Variants in SPATS2 observed in about 807,000 individuals in gnomAD.
SPATS2 encodes the protein spermatogenesis-associated serine-rich protein 2.
Under a neutral mutation model 63.7 loss-of-function variants are expected in SPATS2, and 38 were observed. That is an observed-to-expected ratio of 0.60 (90% CI 0.46 to 0.78). The LOEUF (loss-of-function observed/expected upper bound fraction) is 0.78, where lower values mean the gene tolerates loss of function less well. Ranked by LOEUF, SPATS2 falls within the 30% of genes least tolerant of loss-of-function variation. The probability of loss-of-function intolerance (pLI) is 0.00; values close to 1 mark genes in which losing one functional copy is unlikely to be tolerated. For missense variants in SPATS2, 588 were observed against 666.2 expected, an observed-to-expected ratio of 0.88 and a Z score of 1.29; for synonymous variants, 207 against 232.9, an observed-to-expected ratio of 0.89 and a Z score of 1.01.
rs377665993 is a variant in SPATS2, at chr12:49,500,127, G to A, written c.761G>A (p.Arg254Gln). The change falls in exon 9 of 14, where the codon CGG becomes CAG. Residue 254 changes from arginine to glutamine, a missense_variant. Arg to Gln is a conservative substitution (Grantham distance 43). Transcript: ENST00000552918. ...CAGCGCTGCACAGTGTCTCTTGCAC[G>A]GTATCGAGTTGTAGTTAAAGAAGAG... ...DLQRCTVSLARYRVVVKEEMD... is the reference protein window; with the variant it reads ...DLQRCTVSLAQYRVVVKEEMD... 1.1e-5 allele frequency: 18 copies of A among 1,610,568 alleles called. No individual in the cohort carries two copies. Among genetic ancestry groups the A allele is most frequent in the Admixed American group, 1.7e-5 (1 of 59,540 alleles).
chr12:49,372,712 C>T (rs1437023497), intron 2 of SPATS2, among the ~76,000 whole-genome samples: 2 of 151,750 alleles, frequency 1.3e-5, no homozygotes, highest in Non-Finnish European at 2.9e-5. Flanking sequence ...TATCTTCCTG[C>T]ATTCATTAAA....
At chr12:49,446,970 C>T (rs1320322885) in intron 2 of SPATS2, among the ~76,000 whole-genome samples, 2 of 151,738 alleles carry the variant, frequency 1.3e-5, no homozygotes, top group Admixed American at 1.3e-4. Flanking sequence ...ACTCTGTCGC[C>T]CAGGCTGGGG....
intron 2 of SPATS2, among the ~76,000 whole-genome samples, chr12:49,410,465 A>G (rs11169001): frequency 0.016 from 2,445 of 152,286 alleles, 41 homozygotes; most frequent in Middle Eastern, 0.065. Flanking sequence ...GGGATGCAGA[A>G]TGAGTAAGAC....
chr12:49,524,684 T>A lies in SPATS2; in HGVS notation c.1114T>A (p.Ser372Thr). The A allele has an allele frequency of 6.2e-7, 1 of 1,614,202 alleles. No homozygotes were observed. Among genetic ancestry groups the A allele is most frequent in the Non-Finnish European group, 8.5e-7 (1 of 1,180,030 alleles). Residue 372 changes from serine to threonine, a missense_variant and splice_region_variant, in exon 13 of 14, where the codon TCT (serine) becomes ACT (threonine). Transcript: ENST00000552918. ...TATTCCTCATATTTCTGTTTCAGTG[T>A]CTCATCCAAAGAACAGCTATTCGAC... Reference protein sequence around the residue: ...KKSIDSFGQVSHPKNSYSTRS... With the variant: ...KKSIDSFGQVTHPKNSYSTRS...
chr12:49,521,577 C>T (rs142075397), intron 11 of SPATS2, among the ~76,000 whole-genome samples: 1 of 152,244 alleles, frequency 6.6e-6, no homozygotes, highest in East Asian at 1.9e-4. Context: ...CCTCTTCCCA[C>T]GTGGCTGAAA....
At chr12:49,429,946 A>T (rs1945152894) in intron 2 of SPATS2, among the ~76,000 whole-genome samples, 1 of 133,874 alleles carries the variant, frequency 7.5e-6, no homozygotes, top group Admixed American at 7.6e-5. Flanking sequence ...ACGCCCAGCT[A>T]ATTTTTGTAT....
chr12:49,389,220 C>T (rs529618141), intron 2 of SPATS2, among the ~76,000 whole-genome samples: 1 of 152,176 alleles, frequency 6.6e-6, no homozygotes, highest in African/African-American at 2.4e-5. Context: ...AGTGTTCGGC[C>T]CTGCCCCACC....
Position 49,519,140 on chromosome 12 carries a change from A to T in SPATS2, c.966A>T (p.Gln322His). The T allele has an allele frequency of 6.2e-7, 1 of 1,614,148 alleles. No homozygotes were observed. Among genetic ancestry groups the T allele is most frequent in the Non-Finnish European group, 8.5e-7 (1 of 1,180,022 alleles). The change falls in exon 11 of 14, where the codon CAA (glutamine) becomes CAT (histidine). Residue 322 changes from glutamine (Q) to histidine (H), a missense_variant. Transcript: ENST00000552918. ...LLKKMTHVAV[Q>H]MSEQQLVELR... Reference sequence around the variant, plus strand: ...AGAAGATGACTCATGTGGCTGTTCAAATGTCAGAGCAGCAATTGGTTGAGC... The same window carrying T: ...AGAAGATGACTCATGTGGCTGTTCATATGTCAGAGCAGCAATTGGTTGAGC...
At chr12:49,398,486 AG>A (rs1944552183) in intron 2 of SPATS2, among the ~76,000 whole-genome samples, 1 of 152,292 alleles carries the variant, frequency 6.6e-6, no homozygotes, top group South Asian at 2.1e-4. Context: ...GAAATAGGTT[AG>A]GCGGGATTGT....
chr12:49,445,835 A>G (rs543947038), intron 2 of SPATS2, among the ~76,000 whole-genome samples: 2 of 151,738 alleles, frequency 1.3e-5, no homozygotes, highest in Non-Finnish European at 2.9e-5. Context: ...TGGCTTGCTA[A>G]TATTTTGTTA....
chr12:49,508,352 C>T (rs1166521076), intron 9 of SPATS2, among the ~76,000 whole-genome samples: 11 of 152,244 alleles, frequency 7.2e-5, no homozygotes, highest in Admixed American at 2.6e-4. Flanking sequence ...GGATTACAGG[C>T]GTGTGCCACT....
intron 3 of SPATS2, among the ~76,000 whole-genome samples, chr12:49,477,425 G>C (rs1337972862): frequency 1.3e-5 from 2 of 152,190 alleles, no homozygotes; most frequent in African/African-American, 4.8e-5. Context: ...GCAAATGAAA[G>C]CTGAAATAAC....
rs117110716 is a variant in SPATS2 at position 49,469,910 on chromosome 12, A to T, written c.25+8873A>T. On this transcript the variant is annotated intron_variant, in intron 3 of 13. Coordinates refer to ENST00000552918, the MANE Select transcript of SPATS2 (RefSeq NM_023071.4). ...CTCAAAAAAAAAAGAAGGAAAAAAC[A>T]TGCAACTCAACACTCTCTCCCTGAA... Among the ~76,000 whole-genome samples, 1,205 of 152,186 alleles carry T rather than the reference A, an allele frequency of 7.9e-3. 10 individuals carry two copies. Among genetic ancestry groups the T allele is most frequent in the Non-Finnish European group, 0.013 (901 of 67,998 alleles).
intron 2 of SPATS2, among the ~76,000 whole-genome samples, chr12:49,413,391 A>G (rs1431395657): frequency 6.7e-6 from 1 of 149,792 alleles, no homozygotes; most frequent in East Asian, 2.0e-4. Flanking sequence ...TTTAATTTTA[A>G]TTTTTTTTTT....
intron 3 of SPATS2, among the ~76,000 whole-genome samples, chr12:49,461,910 G>A (rs142979551): frequency 2.4e-3 from 371 of 152,284 alleles, no homozygotes; most frequent in South Asian, 0.012. Flanking sequence ...GAACTGTTCT[G>A]TGGAATGAAA....
chr12:49,385,874 G>GTTT (rs753323898), intron 2 of SPATS2, among the ~76,000 whole-genome samples: 1 of 139,878 alleles, frequency 7.1e-6, no homozygotes, highest in Non-Finnish European at 1.6e-5. Context: ...TTTGTTTTTT[G>GTTT]TTTTTTTTTT....
intron 2 of SPATS2, among the ~76,000 whole-genome samples, chr12:49,385,868 T>TTTTTTGG (rs1219516029): frequency 6.8e-6 from 1 of 147,680 alleles, no homozygotes; most frequent in Non-Finnish European, 1.5e-5. Context: ...TGTTTGTTTG[T>TTTTTTGG]TTTTTGTTTT....
At chr12:49,464,823 C>G (rs1472677268) in intron 3 of SPATS2, among the ~76,000 whole-genome samples, 1 of 152,054 alleles carries the variant, frequency 6.6e-6, no homozygotes, top group East Asian at 1.9e-4. Flanking sequence ...GACCATGTCT[C>G]TTAAAAAAAC....
chr12:49,414,210 C>T (rs924414556), intron 2 of SPATS2, among the ~76,000 whole-genome samples: 1 of 152,064 alleles, frequency 6.6e-6, no homozygotes, highest in African/African-American at 2.4e-5. Flanking sequence ...TTCTGTGACT[C>T]TTATGGGAAG....
Sources: allele counts gnomAD v4.1 joint callset (sites outside exome capture counted in the v4.1 genomes callset), GRCh38; gene constraint gnomAD v4.1.1; transcripts MANE v1.5; gene names NCBI Gene and HGNC (gene_info 2026-07-23, HGNC 2026-07-21).